MTUS2: variants seen among roughly 807,000 people sequenced by gnomAD.
MTUS2 encodes microtubule-associated tumor suppressor candidate 2.
MTUS2 carries 40 observed loss-of-function variants against 114.1 expected under a neutral mutation model. The observed-to-expected ratio is 0.35, with a 90% CI of 0.27 to 0.46. The LOEUF is 0.46. MTUS2 is among the 20% of genes least tolerant of loss of function. The probability of loss-of-function intolerance (pLI) is 1.00; values close to 1 mark genes in which losing one functional copy is unlikely to be tolerated. For synonymous variants in MTUS2, 688 were observed against 672.0 expected (o/e 1.02, Z -0.37); for missense variants, 1,679 against 1,705.4 (o/e 0.98, Z 0.27).
At position 28,865,380 on chromosome 13, in the gene MTUS2, GTTCT is replaced by G. The variant is rs377665290; in HGVS notation, c.-243+25533_-243+25536del. Among the ~76,000 whole-genome samples, 337 of 152,278 alleles carry G rather than the reference GTTCT, an allele frequency of 2.2e-3. 2 individuals are homozygous for G. Among genetic ancestry groups the G allele is most frequent in the African/African-American group, 7.4e-3 (308 of 41,550 alleles). ...CATGGTGGTTCTAGCTCTTTCCCCA[GTTCT>G]TTGGGTCAGGCCTGCACTCATATGT... On this transcript the variant is annotated intron_variant, in intron 2 of 15. Transcript: ENST00000612955.
At chr13:29,119,316 G>C (rs1891213653) in intron 5 of MTUS2, among the ~76,000 whole-genome samples, 2 of 151,998 alleles carry the variant, frequency 1.3e-5, no homozygotes, top group Admixed American at 1.3e-4. Flanking sequence ...CTTTCATATA[G>C]TTTGTTTTGT....
chr13:29,094,911 C>T (rs1890114867), intron 4 of MTUS2, among the ~76,000 whole-genome samples: 1 of 151,888 alleles, frequency 6.6e-6, no homozygotes, highest in Non-Finnish European at 1.5e-5. Context: ...TTCTAATTCC[C>T]CTTTCAATTT....
At chr13:29,127,379 T>C (rs1356949094) in intron 5 of MTUS2, among the ~76,000 whole-genome samples, 1 of 152,208 alleles carries the variant, frequency 6.6e-6, no homozygotes, top group Non-Finnish European at 1.5e-5. Flanking sequence ...GATGTTACCA[T>C]GGAGGTATGT....
At chr13:29,328,119 G>T (rs1900604708) in intron 7 of MTUS2, among the ~76,000 whole-genome samples, 1 of 151,718 alleles carries the variant, frequency 6.6e-6, no homozygotes. Context: ...TTATATTCTG[G>T]ATATAATTCT....
chr13:29,418,192 C>G (rs1019108676), intron 8 of MTUS2, among the ~76,000 whole-genome samples: 5 of 152,148 alleles, frequency 3.3e-5, no homozygotes, highest in African/African-American at 1.2e-4. Context: ...TATTTCTTTT[C>G]TCCCAGTGAA....
At chr13:29,331,336 G>T (rs1900768946) in intron 7 of MTUS2, among the ~76,000 whole-genome samples, 2 of 152,182 alleles carry the variant, frequency 1.3e-5, no homozygotes, top group African/African-American at 4.8e-5. Flanking sequence ...GATATTTGGA[G>T]CTGAGACGAT....
intron 5 of MTUS2, chr13:29,239,239 CAAT>C (rs1409227419): frequency 6.6e-6 from 1 of 152,084 alleles, no homozygotes; most frequent in African/African-American, 2.4e-5. Context: ...CAATTTTTGT[CAAT>C]GATGCCTCAG....
At chr13:28,835,621 G>A (rs1283234464) in intron 1 of MTUS2, among the ~76,000 whole-genome samples, 1 of 152,172 alleles carries the variant, frequency 6.6e-6, no homozygotes, top group African/African-American at 2.4e-5. Flanking sequence ...CCATTGAATT[G>A]CACCTTTTAA....
intron 5 of MTUS2, among the ~76,000 whole-genome samples, chr13:29,266,414 C>G (rs1897668926): frequency 6.6e-6 from 1 of 152,044 alleles, no homozygotes; most frequent in Admixed American, 6.5e-5. Context: ...TTAATGCTTA[C>G]AATGAAGCCA....
chr13:28,914,680 G>A (rs1880648222), intron 2 of MTUS2, among the ~76,000 whole-genome samples: 1 of 151,756 alleles, frequency 6.6e-6, no homozygotes, highest in Admixed American at 6.6e-5. Context: ...TTTTCAGTTG[G>A]GTGTTAAAGT....
chr13:29,075,087 A>G lies in MTUS2; in HGVS notation c.2447-25686A>G, dbSNP rs560256401. 2.6e-5 allele frequency among the ~76,000 whole-genome samples: 4 copies of G among 152,320 alleles called. No homozygotes were observed. In the South Asian group the frequency reaches 6.2e-4, roughly 24 times the overall value. On this transcript the variant is annotated intron_variant, in intron 4 of 15. Transcript: ENST00000612955. ...CATTTGCCTATTCTAGACATCTTATATGATGGAGTTATACAATCTGTGTGA... is the reference window on the plus strand; with the variant it reads ...CATTTGCCTATTCTAGACATCTTATGTGATGGAGTTATACAATCTGTGTGA...
At chr13:29,246,302 G>C (rs1244547906) in intron 5 of MTUS2, among the ~76,000 whole-genome samples, 2 of 152,194 alleles carry the variant, frequency 1.3e-5, no homozygotes, top group Non-Finnish European at 2.9e-5. Flanking sequence ...ACTATGAGAA[G>C]ATAAAGGGTC....
intron 5 of MTUS2, among the ~76,000 whole-genome samples, chr13:29,271,399 G>A (rs1382821385): frequency 6.6e-6 from 1 of 152,120 alleles, no homozygotes; most frequent in Non-Finnish European, 1.5e-5. Flanking sequence ...TGCCAATCAT[G>A]CACTTCCTTA....
At chr13:29,206,506 T>C (rs1895191187) in intron 5 of MTUS2, among the ~76,000 whole-genome samples, 1 of 152,194 alleles carries the variant, frequency 6.6e-6, no homozygotes, top group Admixed American at 6.5e-5. Flanking sequence ...GAAGGGTTTT[T>C]CTGATATTAT....
In MTUS2 at chr13:29,025,185, C is replaced by G. The variant is rs17072549; in HGVS notation, c.487C>G (p.Leu163Val). ...EIPRHVPKDK[L>V]AKTLDNEELR... ...TCCCCGGCATGTTCCCAAGGATAAA[C>G]TGGCAAAGACCCTTGACAATGAGGA... The change falls in exon 3 of 16, where the codon CTG becomes GTG. Residue 163 changes from leucine to valine, a missense_variant. Coordinates refer to ENST00000612955, the MANE Select transcript of MTUS2 (RefSeq NM_001033602.4). The G allele has an allele frequency of 6.2e-7, 1 of 1,613,860 alleles. No homozygotes were observed. The highest frequency in any genetic ancestry group is 1.1e-5 in the South Asian group (1 of 91,086).
chr13:28,948,750 C>T (rs879088558), intron 2 of MTUS2, among the ~76,000 whole-genome samples: 1 of 152,142 alleles, frequency 6.6e-6, no homozygotes, highest in Admixed American at 6.6e-5. Context: ...ATGTGTGTGG[C>T]AGCAGGGGAA....
At chr13:28,912,946 G>T (rs1400779596) in intron 2 of MTUS2, among the ~76,000 whole-genome samples, 1 of 151,534 alleles carries the variant, frequency 6.6e-6, no homozygotes, top group Non-Finnish European at 1.5e-5. Context: ...CGAGTTAATG[G>T]GTGCACATTG....
chr13:29,131,481 A>G (rs956725984), intron 5 of MTUS2, among the ~76,000 whole-genome samples: 1 of 152,248 alleles, frequency 6.6e-6, no homozygotes, highest in Admixed American at 6.5e-5. Context: ...GGTGGGGGCC[A>G]TTGAGGCCCA....
intron 6 of MTUS2, among the ~76,000 whole-genome samples, chr13:29,324,155 A>G (rs6490386): frequency 0.61 from 93,179 of 152,136 alleles, 29,600 homozygotes; most frequent in East Asian, 0.82. Flanking sequence ...AATTAGAGTC[A>G]GACCATGTCC....
Sources: allele counts gnomAD v4.1 joint callset (sites outside exome capture counted in the v4.1 genomes callset), GRCh38; gene constraint gnomAD v4.1.1; transcripts MANE v1.5; gene names NCBI Gene and HGNC (gene_info 2026-07-23, HGNC 2026-07-21).